The following NAALADL2 variants were observed in gnomAD, a reference collection of about 807,000 sequenced individuals.
NAALADL2 encodes inactive N-acetylated-alpha-linked acidic dipeptidase-like protein 2.
A neutral mutation model predicts 87.2 loss-of-function variants in NAALADL2; 76 were observed. The ratio of observed to expected loss-of-function variants is 0.87; its 90% confidence interval spans 0.72 to 1.05. The LOEUF (loss-of-function observed/expected upper bound fraction) is 1.05, where lower values mean the gene tolerates loss of function less well. Ranked by LOEUF, NAALADL2 falls within the 50% of genes least tolerant of loss-of-function variation. The pLI is 0.00. For synonymous variants in NAALADL2, 354 were observed against 331.0 expected (o/e 1.07, Z -0.75); for missense variants, 1,089 against 945.8 (o/e 1.15, Z -1.99).
chr3:174,520,998 A>G (rs537923079), intron 1 of NAALADL2, among the ~76,000 whole-genome samples: 193 of 152,304 alleles, frequency 1.3e-3, no homozygotes, highest in African/African-American at 4.4e-3. Context: ...GGCTACTATT[A>G]AAAAATAAAA....
At chr3:174,725,817 C>A (rs990271572) in intron 2 of NAALADL2, among the ~76,000 whole-genome samples, 1 of 152,144 alleles carries the variant, frequency 6.6e-6, no homozygotes, top group East Asian at 1.9e-4. Context: ...CAGTAATCAA[C>A]CTAAAGCCAC....
chr3:175,697,495 T>A (rs1268710232), intron 11 of NAALADL2, among the ~76,000 whole-genome samples: 1 of 151,104 alleles, frequency 6.6e-6, no homozygotes, highest in East Asian at 1.9e-4. Flanking sequence ...TGAGTTAGAG[T>A]TATGGGATAA....
chr3:175,410,982 T>A (rs1396114572), intron 5 of NAALADL2, among the ~76,000 whole-genome samples: 1 of 152,206 alleles, frequency 6.6e-6, no homozygotes, highest in Non-Finnish European at 1.5e-5. Context: ...ATCATATTTA[T>A]GTTTCATAAA....
intron 10 of NAALADL2, among the ~76,000 whole-genome samples, chr3:175,612,499 C>A (rs1049258328): frequency 6.6e-6 from 1 of 152,280 alleles, no homozygotes; most frequent in South Asian, 2.1e-4. Context: ...GCTATAATAT[C>A]TTTCTCAGGA....
chr3:175,042,969 G>T (rs796518354), intron 1 of NAALADL2, among the ~76,000 whole-genome samples: 2 of 152,126 alleles, frequency 1.3e-5, no homozygotes, highest in African/African-American at 2.4e-5. Context: ...CCCACCTCTT[G>T]CTTGCTCTCT....
At chr3:175,243,531 CT>C (rs3066298) in intron 3 of NAALADL2, among the ~76,000 whole-genome samples, 2,286 of 85,332 alleles carry the variant, frequency 0.027, 65 homozygotes, top group African/African-American at 0.074. Flanking sequence ...CACATCAGGA[CT>C]TTTTTTTTTT....
rs1451611972 is a variant in NAALADL2 at position 175,803,196 on chromosome 3, A to G, written c.2381A>G (p.Lys794Arg). 1.3e-6 allele frequency: 2 copies of G among 1,595,712 alleles called. No homozygotes were observed. Among genetic ancestry groups the G allele is most frequent in the East Asian group, 2.2e-5 (1 of 44,584 alleles). ...LDVFKSVLDGKN is the reference protein window; with the variant it reads ...LDVFKSVLDGRN ...GTGTTCAAGAGTGTCTTGGATGGGA[A>G]GAATTGAGAAAACTCTGAGCATTTT... Residue 794 changes from lysine (K) to arginine (R), a missense_variant, in exon 14 of 14, where the codon AAG becomes AGG. By Grantham distance (26) the Lys-to-Arg change is conservative (BLOSUM62 2). Transcript: ENST00000454872.
At chr3:174,966,424 C>A (rs1742883061) in intron 1 of NAALADL2, among the ~76,000 whole-genome samples, 1 of 152,076 alleles carries the variant, frequency 6.6e-6, no homozygotes, top group Non-Finnish European at 1.5e-5. Flanking sequence ...TTCACAGAGA[C>A]CAGCAAGGAG....
At position 174,953,226 on chromosome 3, in the gene NAALADL2, T is replaced by C. The variant is rs116310063; in HGVS notation, c.43+93776T>C. On this transcript the variant is annotated intron_variant, in intron 1 of 13. Transcript: ENST00000454872. ...TTATAACCTCAACTGCTTTGCTACA[T>C]GGGCTCCTGGTTAAAACCATTTTAT... Among the ~76,000 whole-genome samples the C allele has an allele frequency of 3.8e-3, 577 of 149,896 alleles. 5 individuals carry two copies. Among genetic ancestry groups the C allele is most frequent in the African/African-American group, 0.013 (547 of 40,754 alleles).
chr3:174,942,781 G>T (rs1386787262), intron 1 of NAALADL2, among the ~76,000 whole-genome samples: 2 of 152,024 alleles, frequency 1.3e-5, no homozygotes, highest in Non-Finnish European at 2.9e-5. Context: ...ATTTCAGAGA[G>T]CCAGTCTTCA....
chr3:175,324,116 A>G, intron 4 of NAALADL2, 59 bp from the exon 5 acceptor site: 1 of 1,397,900 alleles, frequency 7.2e-7, no homozygotes, highest in Non-Finnish European at 9.8e-7. Flanking sequence ...GCAAAATGGC[A>G]CTATATGAAC....
intron 4 of NAALADL2, among the ~76,000 whole-genome samples, chr3:175,270,061 T>C (rs147442437): frequency 6.6e-6 from 1 of 152,274 alleles, no homozygotes; most frequent in African/African-American, 2.4e-5. Flanking sequence ...TAAATAAATG[T>C]GGGGGGAAAA....
chr3:175,448,571 C>A (rs952942725), intron 6 of NAALADL2, among the ~76,000 whole-genome samples: 1 of 152,160 alleles, frequency 6.6e-6, no homozygotes, highest in African/African-American at 2.4e-5. Flanking sequence ...CCATGCCCTC[C>A]CCTATGTCAC....
At chr3:175,782,538 C>G (rs1411807837) in intron 13 of NAALADL2, among the ~76,000 whole-genome samples, 1 of 140,294 alleles carries the variant, frequency 7.1e-6, no homozygotes, top group African/African-American at 2.9e-5. Context: ...CCTTCGCCCA[C>G]TTTTTGATGG....
At chr3:175,554,185 A>G (rs1714893541) in intron 9 of NAALADL2, among the ~76,000 whole-genome samples, 1 of 152,096 alleles carries the variant, frequency 6.6e-6, no homozygotes, top group Non-Finnish European at 1.5e-5. Flanking sequence ...TAGAGGGTGA[A>G]GCAGAGTACA....
chr3:175,360,649 A>G (rs892024111), intron 5 of NAALADL2, among the ~76,000 whole-genome samples: 3 of 151,730 alleles, frequency 2.0e-5, no homozygotes, highest in African/African-American at 7.3e-5. Flanking sequence ...GGTAAAACCA[A>G]TTTTCCCTCA....
intron 2 of NAALADL2, among the ~76,000 whole-genome samples, chr3:175,107,196 G>A (rs1170065053): frequency 6.6e-6 from 1 of 151,980 alleles, no homozygotes; most frequent in Non-Finnish European, 1.5e-5. Flanking sequence ...TATTTTAGAT[G>A]TTTCTGTGAA....
At chr3:174,558,144 C>T (rs35090861) in intron 2 of NAALADL2, among the ~76,000 whole-genome samples, 8,745 of 152,220 alleles carry the variant, frequency 0.057, 461 homozygotes, top group East Asian at 0.2. Context: ...AATGGGAACA[C>T]TTCTGATATC....
At position 175,256,507 on chromosome 3, in the gene NAALADL2, G is replaced by C; in HGVS notation, c.916G>C (p.Gly306Arg). The C allele has an allele frequency of 6.2e-7, 1 of 1,612,190 alleles. No homozygotes were observed. The highest frequency in any genetic ancestry group is 8.5e-7 in the Non-Finnish European group (1 of 1,179,200). The change falls in exon 4 of 14, where the codon GGA (glycine) becomes CGA (arginine). Residue 306 changes from glycine (G) to arginine (R), a missense_variant. Coordinates refer to ENST00000454872, the MANE Select transcript of NAALADL2 (RefSeq NM_207015.3). ...AAATCAGATCGCACTCCTGAAATTA[G>C]GAAAATTGCCACTGCTTTATAAGGT... ...VTNQIALLKL[G>R]KLPLLYKLSS... is the part of the protein sequence containing the mutation.
Sources: allele counts gnomAD v4.1 joint callset (sites outside exome capture counted in the v4.1 genomes callset), GRCh38; gene constraint gnomAD v4.1.1; transcripts MANE v1.5; gene names NCBI Gene and HGNC (gene_info 2026-07-23, HGNC 2026-07-21).